Variants in SLC19A2 observed in about 807,000 individuals in gnomAD.
SLC19A2 encodes thiamine transporter 1.
A neutral mutation model predicts 44.7 loss-of-function variants in SLC19A2; 27 were observed. That is an observed-to-expected ratio of 0.60 (90% confidence interval 0.45 to 0.83). The LOEUF (loss-of-function observed/expected upper bound fraction) is 0.83. SLC19A2 is among the 40% of genes least tolerant of loss of function. SLC19A2 has a pLI of 0.00. For synonymous variants in SLC19A2, 239 were observed against 243.6 expected, an observed-to-expected ratio of 0.98 and a Z score of 0.18; for missense variants, 566 against 613.7, an observed-to-expected ratio of 0.92 and a Z score of 0.82.
chr1:169,485,791 G>A lies in SLC19A2; in HGVS notation c.-25C>T. 1 of 1,514,282 alleles carries A rather than the reference G, an allele frequency of 6.6e-7. No homozygotes were observed. Among genetic ancestry groups the A allele is most frequent in the South Asian group, 1.2e-5 (1 of 81,054 alleles). The allele number at this position is 1,514,282 out of a possible 1,614,324, so 93.8% of individuals were successfully genotyped here. On this transcript the variant is annotated 5_prime_UTR_variant, in exon 1 of 6. Transcript: ENST00000236137. ...TCCGGGGCGCGAGGGGAGGGGACCC[G>A]GCCCGGCCCCTTCCTTCTCCTCCTC...
At chr1:169,476,144 TAA>T (rs201824773) in intron 2 of SLC19A2, among the ~76,000 whole-genome samples, 1 of 145,402 alleles carries the variant, frequency 6.9e-6, no homozygotes, top group South Asian at 2.1e-4. Flanking sequence ...CTTGAATATT[TAA>T]AAAAAAAAAA....
chr1:169,469,926 TC>T, intron 3 of SLC19A2, 37 bp downstream of exon 3: 5 of 1,563,950 alleles, frequency 3.2e-6, no homozygotes, highest in Non-Finnish European at 4.4e-6. Context: ...GAGGAATCCC[TC>T]CCCCACCACG....
chr1:169,471,698 G>GTGTGTGTA (rs1553212202), intron 2 of SLC19A2, among the ~76,000 whole-genome samples: 2 of 146,882 alleles, frequency 1.4e-5, no homozygotes, highest in East Asian at 2.2e-4. Context: ...GTGTGTGTGT[G>GTGTGTGTA]TATATATACA....
At chr1:169,478,406 T>G (rs2101782054) in intron 1 of SLC19A2, among the ~76,000 whole-genome samples, 1 of 151,562 alleles carries the variant, frequency 6.6e-6, no homozygotes, top group East Asian at 1.9e-4. Flanking sequence ...TAGGCTGGAA[T>G]GCAGTGGCAG....
intron 2 of SLC19A2, among the ~76,000 whole-genome samples, chr1:169,471,501 ACACACACAAT>A (rs1658179538): frequency 8.6e-6 from 1 of 115,852 alleles, no homozygotes; most frequent in African/African-American, 2.9e-5. Flanking sequence ...ACACACACAC[ACACACACAAT>A]TTAATTAGCT....
At chr1:169,479,610 G>T (rs1051745914) in intron 1 of SLC19A2, among the ~76,000 whole-genome samples, 3 of 152,214 alleles carry the variant, frequency 2.0e-5, no homozygotes, top group African/African-American at 7.2e-5. Flanking sequence ...TAGAGGACAA[G>T]CTGACAAGGA....
intron 1 of SLC19A2, among the ~76,000 whole-genome samples, chr1:169,481,342 C>T (rs1658440616): frequency 6.6e-6 from 1 of 152,236 alleles, no homozygotes; most frequent in East Asian, 1.9e-4. Flanking sequence ...TTCATAAATT[C>T]TGAATCCGCC....
chr1:169,477,913 C>T (rs534560621), intron 1 of SLC19A2, among the ~76,000 whole-genome samples, 156 bp from the exon 2 acceptor site: 5 of 152,252 alleles, frequency 3.3e-5, no homozygotes, highest in African/African-American at 1.2e-4. Flanking sequence ...TGTCTTTTCT[C>T]TCTTTTTTGT....
At chr1:169,469,006 A>C (rs1002119159) in intron 3 of SLC19A2, 170 bp from the exon 4 acceptor site, 2 of 621,630 alleles carry the variant, frequency 3.2e-6, no homozygotes, top group Non-Finnish European at 5.6e-6. Flanking sequence ...AACTTGATGG[A>C]ATCAATAAAA....
chr1:169,469,198 C>G (rs761671196), intron 3 of SLC19A2: 4 of 308,122 alleles, frequency 1.3e-5, no homozygotes, highest in African/African-American at 4.4e-5. Context: ...TCCTTCAAAC[C>G]AAGGAGCAGT....
rs775936544 is a variant in SLC19A2, at chr1:169,465,894, T to C, written c.1449A>G (p.Arg483=). ...AACTTGATTGTGGATCTTCCAGCTT[T>C]CTACATTTCTTCATAACACTGACTG... The part of the protein sequence containing the change: ...SGAVSVMKKC[R]KLEDPQSSSQ... Residue 483 remains arginine (R), a synonymous_variant, in exon 6 of 6, where the codon AGA becomes AGG. Transcript: ENST00000236137. 7 of 1,614,082 alleles carry C rather than the reference T, an allele frequency of 4.3e-6. No homozygotes were observed. In the South Asian group the frequency reaches 7.7e-5, roughly 18 times the overall value.
chr1:169,473,380 A>G (rs1571535128), intron 2 of SLC19A2, among the ~76,000 whole-genome samples: 1 of 150,744 alleles, frequency 6.6e-6, no homozygotes, highest in East Asian at 2.0e-4. Flanking sequence ...GATTACAGGC[A>G]TGCACCACCA....
At chr1:169,481,062 T>A (rs1283863071) in intron 1 of SLC19A2, among the ~76,000 whole-genome samples, 1 of 152,172 alleles carries the variant, frequency 6.6e-6, no homozygotes, top group Non-Finnish European at 1.5e-5. Context: ...TTATTCTAAA[T>A]AAGAAACCTG....
chr1:169,471,678 G>GTGTGTGTGTGTC (rs1454355670), intron 2 of SLC19A2, among the ~76,000 whole-genome samples: 14 of 143,100 alleles, frequency 9.8e-5, no homozygotes, highest in Admixed American at 7.1e-4. Context: ...AAACAAACGT[G>GTGTGTGTGTGTC]TGTGTGTGTG....
Position 169,468,503 on chromosome 1 carries a change from A to G in SLC19A2, c.1223+141T>C, listed in dbSNP as rs1658088911. The stretch of plus-strand genomic sequence containing the variant: ...GCCTAAATGCTTCCTCAGGAGAAAA[A>G]CTGATAATGCACATATAATACAATG... On this transcript the variant is annotated intron_variant, in intron 4 of 5. Coordinates refer to ENST00000236137, the MANE Select transcript of SLC19A2 (RefSeq NM_006996.3). 4.1e-6 allele frequency: 3 copies of G among 731,560 alleles called. No individual in the cohort carries two copies. In the Admixed American group the frequency reaches 8.3e-5, roughly 20 times the overall value. 45.3% of individuals were successfully genotyped at this position (731,560 alleles called of 1,614,324 possible).
chr1:169,481,651 A>G (rs1187792761), intron 1 of SLC19A2, among the ~76,000 whole-genome samples: 1 of 152,232 alleles, frequency 6.6e-6, no homozygotes, highest in East Asian at 1.9e-4. Flanking sequence ...TTAATTGTCC[A>G]TACTCCAACT....
At chr1:169,481,452 C>A (rs1176354067) in intron 1 of SLC19A2, among the ~76,000 whole-genome samples, 2 of 152,220 alleles carry the variant, frequency 1.3e-5, no homozygotes, top group Non-Finnish European at 2.9e-5. Flanking sequence ...CCAATCTGCA[C>A]TGAGGTGCTT....
chr1:169,470,902 G>A (rs1658156908), intron 2 of SLC19A2, among the ~76,000 whole-genome samples: 1 of 152,032 alleles, frequency 6.6e-6, no homozygotes, highest in African/African-American at 2.4e-5. Context: ...ATCTACCAAA[G>A]GTTACTGTAA....
chr1:169,485,954 G>A (rs1198154417), upstream of SLC19A2: 19 of 674,746 alleles, frequency 2.8e-5, no homozygotes, highest in Non-Finnish European at 4.7e-5. Context: ...TAGGGTCGCT[G>A]CCTGATCGCC....
Sources: allele counts gnomAD v4.1 joint callset (sites outside exome capture counted in the v4.1 genomes callset), GRCh38; gene constraint gnomAD v4.1.1; transcripts MANE v1.5; gene names NCBI Gene and HGNC (gene_info 2026-07-23, HGNC 2026-07-21).